The following LYST variants were observed in gnomAD, a reference collection of about 807,000 sequenced individuals.
LYST encodes lysosomal-trafficking regulator.
In LYST, 192 loss-of-function variants were observed where a neutral mutation model predicts 413.6. That is an observed-to-expected ratio of 0.46 (90% CI 0.41 to 0.52). LYST has a LOEUF of 0.52. Among genes scored for constraint, LYST ranks in the 20% least tolerant of loss-of-function variants. The pLI, the probability that LYST is intolerant of heterozygous loss-of-function variation, is 0.00. For missense variants in LYST, 3,815 were observed against 4,499.9 expected (o/e 0.85, Z 4.35); for synonymous variants, 1,525 against 1,567.3 (o/e 0.97, Z 0.64).
In LYST at chr1:235,762,126, T is replaced by TA. The variant is rs1305076553; in HGVS notation, c.6253+593dup. On this transcript the variant is annotated intron_variant, in intron 22 of 52. Transcript: ENST00000389793. ...TATCCTAAAACTTAAAGTGTAATTA[T>TA]AAAAAAAAAAGATTCTGTTCAAAAG... 6.4e-3 allele frequency among the ~76,000 whole-genome samples: 944 copies of TA among 147,408 alleles called. 14 individuals carry two copies. Among genetic ancestry groups the TA allele is most frequent in the African/African-American group, 0.022 (872 of 40,132 alleles).
chr1:235,866,725 G>C (rs1466204820), intron 1 of LYST, 118 bp downstream of exon 1: 1 of 152,180 alleles, frequency 6.6e-6, no homozygotes, highest in Non-Finnish European at 1.5e-5. Context: ...CGGCGGTCCC[G>C]GCCCTCAACC....
intron 28 of LYST, among the ~76,000 whole-genome samples, chr1:235,750,435 A>G (rs1445767263): frequency 6.6e-6 from 1 of 152,224 alleles, no homozygotes; most frequent in Non-Finnish European, 1.5e-5. Flanking sequence ...ACACAGAAGT[A>G]GCTTAACACG....
At position 235,743,934 on chromosome 1, in the gene LYST, T is replaced by G. The variant is rs1248565194; in HGVS notation, c.8151+45A>C. On this transcript the variant is annotated intron_variant, in intron 30 of 52. Coordinates refer to ENST00000389793, the MANE Select transcript of LYST (RefSeq NM_000081.4). Reference sequence around the variant, plus strand: ...AATACAGTCAACATAAAACCTCTATTTCCTTTGTGTGAATGAACATTTCCC... The same window carrying G: ...AATACAGTCAACATAAAACCTCTATGTCCTTTGTGTGAATGAACATTTCCC... The G allele has an allele frequency of 1.1e-5, 12 of 1,057,400 alleles. No homozygotes were observed. In the Admixed American group the frequency reaches 1.7e-4, roughly 15 times the overall value. The allele number at this position is 1,057,400 out of a possible 1,614,324, so 65.5% of individuals were successfully genotyped here.
intron 10 of LYST, among the ~76,000 whole-genome samples, chr1:235,799,595 C>T (rs183426002): frequency 2.2e-4 from 33 of 152,190 alleles, no homozygotes; most frequent in Non-Finnish European, 3.8e-4. Flanking sequence ...CTCGTGTAGG[C>T]TAGCCTTAAT....
intron 46 of LYST, among the ~76,000 whole-genome samples, chr1:235,695,412 A>G (rs866838210): frequency 5.3e-5 from 8 of 152,232 alleles, no homozygotes; most frequent in Non-Finnish European, 1.2e-4. Flanking sequence ...TGCTCTGGAC[A>G]TACCCAGGTT....
At chr1:235,715,062 C>A in intron 42 of LYST, 139 bp downstream of exon 42, 3 of 809,226 alleles carry the variant, frequency 3.7e-6, no homozygotes, top group East Asian at 2.7e-5. Context: ...GCACTTTGGG[C>A]AAGGAATAAA....
chr1:235,833,880 T>C (rs1249821448), intron 1 of LYST, among the ~76,000 whole-genome samples: 1 of 152,200 alleles, frequency 6.6e-6, no homozygotes. Context: ...AACTCAATAA[T>C]AGCTCTCTAC....
At chr1:235,692,583 C>T (rs1031357972) in intron 47 of LYST, among the ~76,000 whole-genome samples, 2 of 151,856 alleles carry the variant, frequency 1.3e-5, no homozygotes, top group Admixed American at 1.3e-4. Context: ...GGGTTTTCCC[C>T]GTGTTGGCCA....
At position 235,731,152 on chromosome 1, in the gene LYST, A is replaced by G. The variant is rs753437533; in HGVS notation, c.8827T>C (p.Tyr2943His). 38 of 1,613,966 alleles carry G rather than the reference A, an allele frequency of 2.4e-5. No individual in the cohort carries two copies. The highest frequency in any genetic ancestry group is 3.1e-5 in the Non-Finnish European group (36 of 1,179,968). The change falls in exon 35 of 53, where the codon TAT (tyrosine) becomes CAT (histidine). Residue 2943 changes from tyrosine (Y) to histidine (H), a missense_variant. Physicochemically the swap from Tyr to His is moderately conservative, Grantham distance 83. Coordinates refer to ENST00000389793, the MANE Select transcript of LYST (RefSeq NM_000081.4). The part of the protein sequence containing the change: ...DRAVWYDPIY[Y>H]PTSWQLDPTE... ...GGATCCAACTGCCATGAGGTTGGAT[A>G]GTAGATGGGGTCATACCATACTGCT...
intron 1 of LYST, 145 bp from the exon 2 acceptor site, chr1:235,833,812 G>A (rs1226297798): frequency 6.5e-6 from 1 of 152,852 alleles, no homozygotes; most frequent in Non-Finnish European, 1.5e-5. Flanking sequence ...CTAAAAAAAT[G>A]CCTACTTCAA....
At chr1:235,730,097 A>G (rs892981507) in intron 36 of LYST, among the ~76,000 whole-genome samples, 1 of 151,892 alleles carries the variant, frequency 6.6e-6, no homozygotes, top group Admixed American at 6.6e-5. Context: ...TATCAAATAC[A>G]TTTTTAAAAA....
intron 48 of LYST, 88 bp from the exon 49 acceptor site, chr1:235,677,707 T>C: frequency 1.1e-6 from 1 of 952,336 alleles, no homozygotes; most frequent in Middle Eastern, 3.1e-4. Flanking sequence ...CCAAAGTGAC[T>C]CAAATGGTCT....
At position 235,806,462 on chromosome 1, in the gene LYST, C is replaced by T; in HGVS notation, c.2674G>A (p.Asp892Asn). 6.2e-7 allele frequency: 1 copy of T among 1,614,060 alleles called. No individual in the cohort carries two copies. The highest frequency in any genetic ancestry group is 8.5e-7 in the Non-Finnish European group (1 of 1,179,982). Residue 892 changes from aspartate (D) to asparagine (N), a missense_variant, in exon 6 of 53, where the codon GAT becomes AAT. Asp to Asn is a conservative substitution (Grantham distance 23, BLOSUM62 1). Coordinates refer to ENST00000389793, the MANE Select transcript of LYST (RefSeq NM_000081.4). ...YPKRRKTVNQ[D>N]VHINTINLFL... ...AGGTTTATTGTGTTGATATGAACAT[C>T]TTGGTTAACAGTCTTCCGTCTCTTT...
chr1:235,689,681 T>C (rs544710894), intron 47 of LYST, among the ~76,000 whole-genome samples: 50 of 152,340 alleles, frequency 3.3e-4, no homozygotes, highest in African/African-American at 1.2e-3. Context: ...ATGCTAACTA[T>C]GTGAGGTGAC....
chr1:235,784,875 C>T (rs1318049127), intron 14 of LYST, among the ~76,000 whole-genome samples: 1 of 152,140 alleles, frequency 6.6e-6, no homozygotes, highest in East Asian at 1.9e-4. Context: ...AGATCGAGAA[C>T]GTCACAGACA....
At chr1:235,751,013 T>C (rs1038504187) in intron 28 of LYST, among the ~76,000 whole-genome samples, 197 bp downstream of exon 28, 5 of 152,174 alleles carry the variant, frequency 3.3e-5, no homozygotes, top group South Asian at 2.1e-4. Flanking sequence ...GCTCAGCACA[T>C]GGTAGGCAGG....
rs1274885983 is a variant in LYST, at chr1:235,715,363, A to G, written c.9628-6T>C. ...CGGTACTCTTCCTCCAAGTACTGAA[A>G]GAAACGGTGAATCCAGAGAATTCAT... On this transcript the variant is annotated splice_region_variant and splice_polypyrimidine_tract_variant and intron_variant, in intron 41 of 52. Transcript: ENST00000389793. 6.2e-7 allele frequency: 1 copy of G among 1,613,668 alleles called. No homozygotes were observed. The highest frequency in any genetic ancestry group is 2.2e-5 in the East Asian group (1 of 44,878).
chr1:235,874,991 C>T (rs2103234027), intron 1 of LYST, among the ~76,000 whole-genome samples: 1 of 152,312 alleles, frequency 6.6e-6, no homozygotes, highest in Non-Finnish European at 1.5e-5. Context: ...GAGAGAAATG[C>T]AGAATCTCAG....
At chr1:235,756,586 T>A (rs913769525) in intron 24 of LYST, among the ~76,000 whole-genome samples, 1 of 152,048 alleles carries the variant, frequency 6.6e-6, no homozygotes, top group Admixed American at 6.6e-5. Flanking sequence ...TAAAGAAAAA[T>A]GAGAATCTTT....
Sources: gnomAD v4.1 joint callset for allele counts (sites outside exome capture counted in the v4.1 genomes callset) on GRCh38, gnomAD v4.1.1 for gene constraint, MANE v1.5 for transcripts, NCBI Gene and HGNC (gene_info 2026-07-23, HGNC 2026-07-21) for gene names.